The following TMEM144 variants were observed in gnomAD, a reference collection of about 807,000 sequenced individuals.
TMEM144 encodes the protein transmembrane protein 144.
A neutral mutation model predicts 43.6 loss-of-function variants in TMEM144; 39 were observed. The ratio of observed to expected loss-of-function variants is 0.90; its 90% CI spans 0.69 to 1.17. TMEM144 has a LOEUF of 1.17. Ranked by LOEUF, TMEM144 falls within the 50% of genes most tolerant of loss-of-function variation. TMEM144 has a pLI of 0.00. For synonymous variants in TMEM144, 154 were observed against 133.6 expected, an observed-to-expected ratio of 1.15 and a Z score of -1.06; for missense variants, 417 against 411.9, an observed-to-expected ratio of 1.01 and a Z score of -0.11.
chr4:158,219,373 T>C lies in TMEM144; in HGVS notation c.396T>C (p.Ala132=). The C allele has an allele frequency of 6.2e-7, 1 of 1,613,882 alleles. No homozygotes were observed. The highest frequency in any genetic ancestry group is 8.5e-7 in the Non-Finnish European group (1 of 1,179,810). ...VSNPLLNYIG[A]GLSVVSAFIF... is the part of the protein sequence containing the mutation. ...ATCCGCTGCTAAATTACATTGGAGC[T>C]GGGCTATCAGTAGTAAGGTACACAG... Residue 132 remains alanine (A), a synonymous_variant, in exon 6 of 13, where the codon GCT becomes GCC. Coordinates refer to ENST00000296529, the MANE Select transcript of TMEM144 (RefSeq NM_018342.5).
intron 9 of TMEM144, among the ~76,000 whole-genome samples, chr4:158,237,897 C>T (rs902540955): frequency 2.8e-4 from 43 of 152,194 alleles, no homozygotes; most frequent in African/African-American, 9.2e-4. Context: ...TTCTGACTTT[C>T]CAGTAAGATT....
At chr4:158,226,818 C>T (rs1734794108) in intron 6 of TMEM144, among the ~76,000 whole-genome samples, 1 of 151,990 alleles carries the variant, frequency 6.6e-6, no homozygotes, top group South Asian at 2.1e-4. Context: ...TTTAAACAAC[C>T]AGTTAATTTA....
At chr4:158,228,486 C>T (rs1734889973) in intron 6 of TMEM144, among the ~76,000 whole-genome samples, 1 of 152,204 alleles carries the variant, frequency 6.6e-6, no homozygotes, top group African/African-American at 2.4e-5. Flanking sequence ...CTAGTCTTAC[C>T]AAGTTTCAGA....
chr4:158,215,009 C>T (rs529960880), intron 3 of TMEM144, among the ~76,000 whole-genome samples, 182 bp from the exon 4 acceptor site: 1 of 152,258 alleles, frequency 6.6e-6, no homozygotes, highest in East Asian at 1.9e-4. Flanking sequence ...TTCATTTTCT[C>T]TATCTTTGAG....
chr4:158,224,838 C>T (rs1734682113), intron 6 of TMEM144, among the ~76,000 whole-genome samples: 1 of 152,170 alleles, frequency 6.6e-6, no homozygotes, highest in Admixed American at 6.5e-5. Context: ...CTGCTCTCAT[C>T]CACGTACAGC....
intron 3 of TMEM144, among the ~76,000 whole-genome samples, chr4:158,214,409 A>G (rs1734117788): frequency 6.6e-6 from 1 of 152,176 alleles, no homozygotes; most frequent in Non-Finnish European, 1.5e-5. Flanking sequence ...AGGGGCAACA[A>G]TCTTCCAAAG....
In TMEM144 at chr4:158,217,204, A is replaced by G. The variant is rs1421360254; in HGVS notation, c.233-117A>G. 3.6e-5 allele frequency: 23 copies of G among 646,338 alleles called. No individual in the cohort carries two copies. In the East Asian group the frequency reaches 6.6e-4, roughly 19 times the overall value. The allele number at this position is 646,338 out of a possible 1,614,324, so 40.0% of individuals were successfully genotyped here. ...CTGAAAAAATAAGGAACTGTGCTTT[A>G]CTAAATTTGTCCAAATCACATGCAC... On this transcript the variant is annotated intron_variant, in intron 4 of 12. Coordinates refer to ENST00000296529, the MANE Select transcript of TMEM144 (RefSeq NM_018342.5).
rs551278250 is a variant in TMEM144 at position 158,228,767 on chromosome 4, C to T, written c.414-4134C>T. On this transcript the variant is annotated intron_variant, in intron 6 of 12. Transcript: ENST00000296529. ...AACCAAGAAATGTAGCAGGAGGAGC[C>T]GCAGACAAAACTCCTCAGACACGGA... is the stretch of plus-strand genomic sequence containing the variant. 8.5e-5 allele frequency among the ~76,000 whole-genome samples: 13 copies of T among 152,204 alleles called. No individual in the cohort carries two copies. The East Asian group carries it at 1.2e-3, about 14-fold the overall frequency.
chr4:158,241,678 G>A, intron 11 of TMEM144, 72 bp downstream of exon 11: 1 of 1,208,096 alleles, frequency 8.3e-7, no homozygotes, highest in Non-Finnish European at 1.2e-6. Flanking sequence ...AGCACTCTTA[G>A]GGCATCGCTA....
At chr4:158,243,879 T>C (rs1735746080) in intron 11 of TMEM144, among the ~76,000 whole-genome samples, 1 of 152,186 alleles carries the variant, frequency 6.6e-6, no homozygotes, top group Non-Finnish European at 1.5e-5. Flanking sequence ...AAAAAGAATA[T>C]GCCAAAATTT....
At chr4:158,235,837 A>G (rs1305967901) in intron 8 of TMEM144, among the ~76,000 whole-genome samples, 1 of 152,232 alleles carries the variant, frequency 6.6e-6, no homozygotes, top group Non-Finnish European at 1.5e-5. Context: ...TCATAGTCAG[A>G]TTAGGCAATA....
At chr4:158,238,560 G>A (rs556722219) in intron 9 of TMEM144, among the ~76,000 whole-genome samples, 9 of 152,150 alleles carry the variant, frequency 5.9e-5, no homozygotes, top group South Asian at 2.1e-4. Flanking sequence ...AATAAAAATA[G>A]AATAACATAG....
chr4:158,235,957 G>A (rs559330905), intron 8 of TMEM144, among the ~76,000 whole-genome samples: 1 of 152,252 alleles, frequency 6.6e-6, no homozygotes, highest in South Asian at 2.1e-4. Context: ...AAATATAGTG[G>A]AACATTCTGT....
At chr4:158,241,478 T>A in intron 10 of TMEM144, 31 bp from the exon 11 acceptor site, 1 of 1,551,968 alleles carries the variant, frequency 6.4e-7, no homozygotes. Context: ...GGGAACATGG[T>A]CTGCAAATGT....
chr4:158,213,189 ACC>A, intron 3 of TMEM144: 2 of 202,976 alleles, frequency 9.9e-6, no homozygotes, highest in South Asian at 1.2e-4. Context: ...AGAAGACTGC[ACC>A]TAGATGAATA....
chr4:158,242,547 CA>C (rs1400439790), intron 11 of TMEM144, among the ~76,000 whole-genome samples: 2 of 152,108 alleles, frequency 1.3e-5, no homozygotes, highest in Non-Finnish European at 2.9e-5. Context: ...AATATCCCAG[CA>C]GTGCTGTTCT....
At chr4:158,239,972 G>A (rs1027518966) in intron 9 of TMEM144, among the ~76,000 whole-genome samples, 1 of 150,000 alleles carries the variant, frequency 6.7e-6, no homozygotes, top group Non-Finnish European at 1.5e-5. Context: ...TTCAAGCTCC[G>A]CCTCCCAGGT....
intron 3 of TMEM144, among the ~76,000 whole-genome samples, chr4:158,214,855 G>A (rs1734138240): frequency 6.6e-6 from 1 of 152,080 alleles, no homozygotes; most frequent in South Asian, 2.1e-4. Flanking sequence ...ATCACTCTTG[G>A]GCAGAAAATT....
chr4:158,230,642 A>AAT (rs934986042), intron 6 of TMEM144, among the ~76,000 whole-genome samples: 161 of 151,532 alleles, frequency 1.1e-3, no homozygotes, highest in African/African-American at 3.5e-3. Context: ...TGTGTGTGTA[A>AAT]ATATATATAT....
Sources: gnomAD v4.1 joint callset for allele counts (sites outside exome capture counted in the v4.1 genomes callset) on GRCh38, gnomAD v4.1.1 for gene constraint, MANE v1.5 for transcripts, NCBI Gene and HGNC (gene_info 2026-07-23, HGNC 2026-07-21) for gene names.